RBX1: variants seen among roughly 807,000 people sequenced by gnomAD.
RBX1 encodes the protein ring-box 1, also known as E3 ubiquitin-protein ligase RBX1.
For missense variants in RBX1, 46 were observed against 141.4 expected (o/e 0.33, Z 3.42); for synonymous variants, 48 against 47.9 (o/e 1.00, Z -0.01).
chr22:40,957,525 C>T (rs1488132247), intron 2 of RBX1, among the ~76,000 whole-genome samples: 1 of 152,062 alleles, frequency 6.6e-6, no homozygotes, highest in Non-Finnish European at 1.5e-5. Context: ...GTGGTCCCAG[C>T]TACTTGGGAG....
chr22:40,972,140 A>T (rs1248091370), intron 4 of RBX1, among the ~76,000 whole-genome samples: 1 of 152,186 alleles, frequency 6.6e-6, no homozygotes, highest in African/African-American at 2.4e-5. Flanking sequence ...GTTGGGAGTG[A>T]GCAGGCGGAG....
At chr22:40,961,390 C>CT (rs1253035371) in intron 2 of RBX1, among the ~76,000 whole-genome samples, 1 of 151,622 alleles carries the variant, frequency 6.6e-6, no homozygotes, top group Non-Finnish European at 1.5e-5. Context: ...TGACCCAATT[C>CT]TTTATTTTTA....
chr22:40,953,458 C>T, intron 1 of RBX1, 97 bp from the exon 2 acceptor site: 1 of 814,254 alleles, frequency 1.2e-6, no homozygotes, highest in Non-Finnish European at 2.1e-6. Context: ...TTCCCTGTGG[C>T]CAAAGAGATG....
intron 2 of RBX1, among the ~76,000 whole-genome samples, chr22:40,957,598 A>T (rs956195240): frequency 6.6e-6 from 1 of 152,220 alleles, no homozygotes; most frequent in African/African-American, 2.4e-5. Context: ...AGATTTTGCC[A>T]CTGCACTCCA....
intron 1 of RBX1, among the ~76,000 whole-genome samples, chr22:40,953,167 T>A (rs1210801247): frequency 2.6e-5 from 4 of 152,026 alleles, no homozygotes; most frequent in Non-Finnish European, 5.9e-5. Flanking sequence ...ATTTTTGTAT[T>A]TTTAGTAAAG....
At chr22:40,952,922 T>G (rs942777376) in intron 1 of RBX1, among the ~76,000 whole-genome samples, 1 of 151,830 alleles carries the variant, frequency 6.6e-6, no homozygotes, top group African/African-American at 2.4e-5. Context: ...AGATACTTAT[T>G]CAGATTTTGA....
At chr22:40,957,674 A>AT (rs917822751) in intron 2 of RBX1, among the ~76,000 whole-genome samples, 18 of 151,984 alleles carry the variant, frequency 1.2e-4, no homozygotes, top group African/African-American at 3.4e-4. Context: ...ATTTTTATGT[A>AT]TTTTTTTGTT....
intron 2 of RBX1, among the ~76,000 whole-genome samples, chr22:40,957,727 G>A (rs2058329507): frequency 2.0e-5 from 3 of 152,126 alleles, no homozygotes; most frequent in Non-Finnish European, 4.4e-5. Context: ...GAGCGCAGTG[G>A]CACAGTCATA....
intron 3 of RBX1, 98 bp from the exon 4 acceptor site, chr22:40,967,701 C>A: frequency 1.2e-6 from 1 of 850,718 alleles, no homozygotes. Context: ...TTCTTGCCCA[C>A]TATATGTCAC....
intron 3 of RBX1, chr22:40,966,915 G>C (rs1160032261): frequency 6.6e-6 from 1 of 152,098 alleles, no homozygotes; most frequent in African/African-American, 2.4e-5. Context: ...CATTGCAGAA[G>C]CATTGTGATT....
intron 2 of RBX1, among the ~76,000 whole-genome samples, chr22:40,962,580 C>T (rs2058343905): frequency 1.3e-5 from 2 of 150,798 alleles, no homozygotes; most frequent in Admixed American, 6.6e-5. Context: ...ACTGCAACCT[C>T]TGCCTCCCGG....
chr22:40,972,365 A>G, intron 4 of RBX1, 111 bp from the exon 5 acceptor site: 1 of 764,154 alleles, frequency 1.3e-6, no homozygotes, highest in Non-Finnish European at 2.3e-6. Context: ...CCTGGAGCAC[A>G]CTGTGATCAC....
At chr22:40,967,658 T>C in intron 3 of RBX1, 141 bp from the exon 4 acceptor site, 1 of 596,064 alleles carries the variant, frequency 1.7e-6, no homozygotes, top group Non-Finnish European at 3.0e-6. Flanking sequence ...TAATCAGTTG[T>C]TGAACTTTTG....
chr22:40,952,208 G>C (rs1384260536), intron 1 of RBX1, among the ~76,000 whole-genome samples: 1 of 152,212 alleles, frequency 6.6e-6, no homozygotes, highest in Non-Finnish European at 1.5e-5. Context: ...AGGGAGGGTT[G>C]AGTACTAGTC....
intron 2 of RBX1, among the ~76,000 whole-genome samples, chr22:40,957,621 G>T (rs2058329252): frequency 6.6e-6 from 1 of 152,188 alleles, no homozygotes; most frequent in Non-Finnish European, 1.5e-5. Context: ...CTAGGTGAGA[G>T]AGTGAGACCC....
At chr22:40,972,316 A>T (rs1045765777) in intron 4 of RBX1, among the ~76,000 whole-genome samples, 160 bp from the exon 5 acceptor site, 1 of 152,224 alleles carries the variant, frequency 6.6e-6, no homozygotes, top group Non-Finnish European at 1.5e-5. Context: ...AAGGGGAATC[A>T]CAGCGACAGC....
At chr22:40,956,806 C>T (rs866997162) in intron 2 of RBX1, among the ~76,000 whole-genome samples, 3 of 151,702 alleles carry the variant, frequency 2.0e-5, no homozygotes, top group African/African-American at 7.3e-5. Flanking sequence ...GAGGCCAAGG[C>T]GGGCAGATCA....
intron 4 of RBX1, among the ~76,000 whole-genome samples, chr22:40,968,744 TAGG>T (rs1052491495): frequency 9.9e-5 from 15 of 152,190 alleles, no homozygotes; most frequent in Non-Finnish European, 4.4e-5. Flanking sequence ...GACAGCTTCT[TAGG>T]AGATTTTCTG....
chr22:40,952,134 AAAT>A (rs1242121692), intron 1 of RBX1, among the ~76,000 whole-genome samples: 2 of 152,140 alleles, frequency 1.3e-5, no homozygotes, highest in African/African-American at 2.4e-5. Flanking sequence ...CCCCCTTCCA[AAAT>A]AATAATAAAA....
Sources: allele counts gnomAD v4.1 joint callset (sites outside exome capture counted in the v4.1 genomes callset), GRCh38; gene constraint gnomAD v4.1.1; transcripts MANE v1.5; gene names NCBI Gene and HGNC (gene_info 2026-07-23, HGNC 2026-07-21).